The following EDAR variants were observed in gnomAD, a reference collection of about 807,000 sequenced individuals.
The protein encoded by EDAR is ectodysplasin A receptor, also known as tumor necrosis factor receptor superfamily member EDAR.
EDAR carries 38 observed loss-of-function variants against 51.3 expected under a neutral mutation model. The ratio of observed to expected loss-of-function variants is 0.74; its 90% confidence interval spans 0.57 to 0.97. EDAR has a LOEUF of 0.97. EDAR is among the 50% of genes least tolerant of loss of function. EDAR has a pLI of 0.00. For synonymous variants in EDAR, 227 were observed against 242.1 expected, an observed-to-expected ratio of 0.94 and a Z score of 0.58; for missense variants, 528 against 595.0, an observed-to-expected ratio of 0.89 and a Z score of 1.17.
intron 1 of EDAR, among the ~76,000 whole-genome samples, chr2:108,938,391 C>T (rs1377066891): frequency 6.6e-6 from 1 of 152,184 alleles, no homozygotes; most frequent in Admixed American, 6.5e-5. Flanking sequence ...CACTTGTACA[C>T]AGAACTGGGG....
chr2:108,948,223 T>C (rs1372522090), intron 1 of EDAR, among the ~76,000 whole-genome samples: 1 of 152,232 alleles, frequency 6.6e-6, no homozygotes, highest in African/African-American at 2.4e-5. Context: ...CTCATCTCCA[T>C]CTGAGACCAC....
At chr2:108,987,928 C>T (rs146079731) in intron 1 of EDAR, among the ~76,000 whole-genome samples, 2 of 152,320 alleles carry the variant, frequency 1.3e-5, no homozygotes, top group African/African-American at 2.4e-5. Flanking sequence ...ATTTTAGATG[C>T]CTGGATCCCT....
chr2:108,973,809 A>G (rs902775538), intron 1 of EDAR, among the ~76,000 whole-genome samples: 1 of 152,216 alleles, frequency 6.6e-6, no homozygotes, highest in Non-Finnish European at 1.5e-5. Context: ...AAGGCCCTTC[A>G]ACTTTTGAAT....
At chr2:108,935,642 CT>C (rs747719203) in intron 1 of EDAR, among the ~76,000 whole-genome samples, 24 of 152,108 alleles carry the variant, frequency 1.6e-4, no homozygotes, top group Non-Finnish European at 3.1e-4. Context: ...ATTAGCACCC[CT>C]TTTCACACAC....
At position 108,896,749 on chromosome 2, in the gene EDAR, A is replaced by G. The variant is rs1248613532; in HGVS notation, c.*158T>C. 2 of 684,384 alleles carry G rather than the reference A, an allele frequency of 2.9e-6. No individual in the cohort carries two copies. Among genetic ancestry groups the G allele is most frequent in the African/African-American group, 3.6e-5 (2 of 55,562 alleles). 42.4% of individuals were successfully genotyped at this position (684,384 alleles called of 1,614,324 possible). A position where few individuals can be genotyped will look rare whatever the true frequency, so the allele number is the denominator to read the frequency against. ...CCTTTATCTTTGGTTAAATTGGAAG[A>G]CAGGCCTTATTTCGTCTGGCTCCTT... On this transcript the variant is annotated 3_prime_UTR_variant, in exon 12 of 12. Transcript: ENST00000258443.
At chr2:108,949,538 C>T (rs1269281167) in intron 1 of EDAR, among the ~76,000 whole-genome samples, 1 of 152,206 alleles carries the variant, frequency 6.6e-6, no homozygotes, top group Non-Finnish European at 1.5e-5. Context: ...TCTTAGCTAA[C>T]AGCCTCCAAA....
intron 1 of EDAR, among the ~76,000 whole-genome samples, chr2:108,938,646 G>A (rs923510049): frequency 2.0e-5 from 3 of 151,964 alleles, no homozygotes; most frequent in Non-Finnish European, 4.4e-5. Flanking sequence ...TGACAAGCTT[G>A]GAGAAGTTTT....
At chr2:108,905,939 A>ATGAC (rs1259805852) in intron 11 of EDAR, among the ~76,000 whole-genome samples, 4 of 152,136 alleles carry the variant, frequency 2.6e-5, no homozygotes, top group African/African-American at 9.7e-5. Context: ...TCTAGGATAA[A>ATGAC]TGACTGATCA....
At chr2:108,972,389 C>T (rs1403720393) in intron 1 of EDAR, among the ~76,000 whole-genome samples, 1 of 152,246 alleles carries the variant, frequency 6.6e-6, no homozygotes, top group Non-Finnish European at 1.5e-5. Flanking sequence ...GTGGTCTCCA[C>T]TCCTTCCTCA....
At chr2:108,909,768 C>T (rs188794851) in intron 9 of EDAR, among the ~76,000 whole-genome samples, 267 of 152,350 alleles carry the variant, frequency 1.8e-3, no homozygotes, top group Non-Finnish European at 3.1e-3. Context: ...GGGCTGGTTC[C>T]ACACCTTCAT....
chr2:108,909,166 C>T (rs772486757), intron 9 of EDAR, among the ~76,000 whole-genome samples: 2 of 152,322 alleles, frequency 1.3e-5, no homozygotes, highest in South Asian at 2.1e-4. Context: ...TCCAAATTTT[C>T]CCTGTCTTCA....
chr2:108,977,226 C>T (rs895865629), intron 1 of EDAR, among the ~76,000 whole-genome samples: 1 of 152,122 alleles, frequency 6.6e-6, no homozygotes, highest in African/African-American at 2.4e-5. Flanking sequence ...CTGCCTTTGC[C>T]GCCGGGAGAT....
intron 4 of EDAR, among the ~76,000 whole-genome samples, chr2:108,924,113 G>T (rs533460645): frequency 6.6e-6 from 1 of 152,330 alleles, no homozygotes; most frequent in African/African-American, 2.4e-5. Flanking sequence ...TTACGCTGGG[G>T]CTGCACACAC....
At chr2:108,922,677 C>T (rs1697166463) in intron 5 of EDAR, among the ~76,000 whole-genome samples, 1 of 152,056 alleles carries the variant, frequency 6.6e-6, no homozygotes, top group Non-Finnish European at 1.5e-5. Context: ...CTTGAAGGAG[C>T]CAGAGGGTGG....
At chr2:108,958,624 T>G (rs186675027) in intron 1 of EDAR, among the ~76,000 whole-genome samples, 232 of 152,232 alleles carry the variant, frequency 1.5e-3, no homozygotes, top group African/African-American at 5.4e-3. Context: ...CTAGCTCCCT[T>G]AGCAATGGCA....
At chr2:108,914,719 T>C (rs1457016463) in intron 5 of EDAR, among the ~76,000 whole-genome samples, 1 of 152,218 alleles carries the variant, frequency 6.6e-6, no homozygotes, top group Non-Finnish European at 1.5e-5. Context: ...CTTTTGTCTC[T>C]ACCAGTTCTG....
At chr2:108,933,258 G>T (rs932986843) in intron 1 of EDAR, among the ~76,000 whole-genome samples, 3 of 152,202 alleles carry the variant, frequency 2.0e-5, no homozygotes, top group African/African-American at 7.2e-5. Context: ...AAATCGGGTG[G>T]GGGTGACCAA....
intron 11 of EDAR, among the ~76,000 whole-genome samples, chr2:108,900,861 G>A (rs933166530): frequency 7.2e-5 from 11 of 152,050 alleles, no homozygotes; most frequent in African/African-American, 2.7e-4. Flanking sequence ...AATCCTAAAT[G>A]AATATGCACC....
At chr2:108,910,580 A>C (rs1371713317) in intron 8 of EDAR, 48 bp from the exon 9 acceptor site, 3 of 1,533,778 alleles carry the variant, frequency 2.0e-6, no homozygotes, top group Non-Finnish European at 2.7e-6. Flanking sequence ...GAATTGGCTC[A>C]TGGCTCTGCG....
Sources: allele counts gnomAD v4.1 joint callset (sites outside exome capture counted in the v4.1 genomes callset), GRCh38; gene constraint gnomAD v4.1.1; transcripts MANE v1.5; gene names NCBI Gene and HGNC (gene_info 2026-07-23, HGNC 2026-07-21).